SYN3: variants seen among roughly 807,000 people sequenced by gnomAD.
SYN3 encodes the protein synapsin III.
In SYN3, 35 loss-of-function variants were observed where a neutral mutation model predicts 65.8. That is an observed-to-expected ratio of 0.53 (90% confidence interval 0.41 to 0.70). SYN3 has a LOEUF of 0.70. Among genes scored for constraint, SYN3 ranks in the 30% least tolerant of loss-of-function variants. The pLI is 0.00. For synonymous variants in SYN3, 270 were observed against 292.9 expected, an observed-to-expected ratio of 0.92 and a Z score of 0.80; for missense variants, 680 against 749.0, an observed-to-expected ratio of 0.91 and a Z score of 1.08.
chr22:32,917,102 C>G (rs2050206023), intron 4 of SYN3, among the ~76,000 whole-genome samples: 1 of 152,168 alleles, frequency 6.6e-6, no homozygotes, highest in African/African-American at 2.4e-5. Flanking sequence ...ATTTCAGGCA[C>G]TAACAATTGA....
At chr22:32,603,474 C>G (rs559613026) in intron 6 of SYN3, among the ~76,000 whole-genome samples, 1 of 149,766 alleles carries the variant, frequency 6.7e-6, no homozygotes, top group South Asian at 2.1e-4. Context: ...GAGCCGAGAT[C>G]GTGCCACTGC....
intron 7 of SYN3, among the ~76,000 whole-genome samples, chr22:32,569,589 A>ATC: frequency 9.3e-6 from 1 of 107,320 alleles, no homozygotes; most frequent in Non-Finnish European, 2.1e-5. Flanking sequence ...ATATATATAT[A>ATC]AAATCTATCT....
intron 2 of SYN3, among the ~76,000 whole-genome samples, chr22:32,998,787 A>AAAC (rs1556121468): frequency 5.8e-5 from 8 of 138,620 alleles, no homozygotes; most frequent in Non-Finnish European, 8.1e-5. Flanking sequence ...AAAAAAAAAA[A>AAAC]AAAAAAAAAA....
intron 6 of SYN3, among the ~76,000 whole-genome samples, chr22:32,675,182 G>A (rs974018187): frequency 1.6e-4 from 25 of 152,282 alleles, no homozygotes; most frequent in Non-Finnish European, 2.9e-4. Flanking sequence ...CAAATGGGCC[G>A]GAGAACTTTC....
chr22:32,649,742 C>T lies in SYN3; in HGVS notation c.712-53006G>A, dbSNP rs533888542. 2.0e-5 allele frequency among the ~76,000 whole-genome samples: 3 copies of T among 152,196 alleles called. No homozygotes were observed. The South Asian group carries it at 6.2e-4, about 32-fold the overall frequency. ...CAGGATGACTCAGGCAGGGGGTGGC[C>T]GGACAGGGAAGCCCTGGTGAGGGGC... On this transcript the variant is annotated intron_variant, in intron 6 of 13. Transcript: ENST00000358763.
chr22:32,599,841 G>A (rs1244379291), intron 6 of SYN3, among the ~76,000 whole-genome samples: 3 of 152,166 alleles, frequency 2.0e-5, no homozygotes, highest in Non-Finnish European at 4.4e-5. Flanking sequence ...GTTGAGACAA[G>A]ATTTCTGCCC....
At chr22:33,006,287 A>G (rs2053192778) in intron 2 of SYN3, 65 bp downstream of exon 2, 2 of 1,493,274 alleles carry the variant, frequency 1.3e-6, no homozygotes, top group South Asian at 1.3e-5. Context: ...TTTCCCCAGG[A>G]GATGAGATAA....
chr22:32,788,151 G>T (rs1462000541), intron 6 of SYN3, among the ~76,000 whole-genome samples: 1 of 152,166 alleles, frequency 6.6e-6, no homozygotes, highest in Non-Finnish European at 1.5e-5. Flanking sequence ...TCAGCCCTCT[G>T]TATCTGTGGA....
chr22:33,005,549 T>C (rs1253040146), intron 2 of SYN3, among the ~76,000 whole-genome samples: 2 of 152,230 alleles, frequency 1.3e-5, no homozygotes, highest in Non-Finnish European at 2.9e-5. Context: ...GTAAACTACC[T>C]GGTGAATGAC....
intron 4 of SYN3, among the ~76,000 whole-genome samples, chr22:32,895,420 A>G (rs149867819): frequency 1.2e-4 from 18 of 152,332 alleles, no homozygotes; most frequent in Non-Finnish European, 2.4e-4. Flanking sequence ...CTATTTATCT[A>G]TCATCTACTA....
chr22:32,926,381 T>C (rs1475926436), intron 4 of SYN3, among the ~76,000 whole-genome samples: 1 of 152,258 alleles, frequency 6.6e-6, no homozygotes, highest in African/African-American at 2.4e-5. Context: ...CAGGAACTTC[T>C]TTATGTCTCC....
At chr22:32,541,787 T>A (rs1216097087) in intron 7 of SYN3, 74 bp from the exon 8 acceptor site, 77 of 1,536,490 alleles carry the variant, frequency 5.0e-5, no homozygotes, top group Non-Finnish European at 6.8e-5. Context: ...CAGGAACAAG[T>A]GCTCTGTCTA....
intron 7 of SYN3, among the ~76,000 whole-genome samples, chr22:32,546,824 C>A (rs1212140266): frequency 6.6e-6 from 1 of 152,076 alleles, no homozygotes; most frequent in African/African-American, 2.4e-5. Flanking sequence ...ACAGACCCAC[C>A]CACACCCTTG....
intron 4 of SYN3, among the ~76,000 whole-genome samples, chr22:32,902,405 G>A (rs2049784936): frequency 6.6e-6 from 1 of 152,202 alleles, no homozygotes; most frequent in South Asian, 2.1e-4. Context: ...CTGGAGCTGG[G>A]ATGGCAACAT....
chr22:32,515,803 T>A (rs987839908), intron 13 of SYN3, among the ~76,000 whole-genome samples: 1 of 145,834 alleles, frequency 6.9e-6, no homozygotes, highest in East Asian at 2.0e-4. Flanking sequence ...TGCTCCAGGA[T>A]TTTTTTTTTT....
chr22:32,569,536 AATCT>A (rs1569048090), intron 7 of SYN3, among the ~76,000 whole-genome samples: 4 of 76,150 alleles, frequency 5.3e-5, no homozygotes, highest in South Asian at 6.1e-4. Flanking sequence ...AAAATCAATC[AATCT>A]CTCTCTCTCT....
intron 2 of SYN3, among the ~76,000 whole-genome samples, chr22:32,990,066 A>G (rs2052650581): frequency 6.6e-6 from 1 of 152,130 alleles, no homozygotes; most frequent in African/African-American, 2.4e-5. Flanking sequence ...AATATACTAA[A>G]AAGTAATTCA....
intron 3 of SYN3, among the ~76,000 whole-genome samples, chr22:32,969,094 A>G (rs1045108464): frequency 6.6e-6 from 1 of 152,218 alleles, no homozygotes; most frequent in Non-Finnish European, 1.5e-5. Flanking sequence ...GTGGTGTGGC[A>G]GTAAGGAAAG....
intron 6 of SYN3, among the ~76,000 whole-genome samples, chr22:32,631,874 A>G (rs2059751904): frequency 6.6e-6 from 1 of 152,192 alleles, no homozygotes; most frequent in African/African-American, 2.4e-5. Flanking sequence ...CCTCCACTCT[A>G]AAGCCTGCAT....
Sources: gnomAD v4.1 joint callset for allele counts (sites outside exome capture counted in the v4.1 genomes callset) on GRCh38, gnomAD v4.1.1 for gene constraint, MANE v1.5 for transcripts, NCBI Gene and HGNC (gene_info 2026-07-23, HGNC 2026-07-21) for gene names.